Variants in MICAL2 observed in about 807,000 individuals in gnomAD.
MICAL2 encodes [F-actin]-monooxygenase MICAL2.
Under a neutral mutation model 127.3 loss-of-function variants are expected in MICAL2, and 77 were observed. That is an observed-to-expected ratio of 0.60 (90% CI 0.50 to 0.73). The LOEUF (loss-of-function observed/expected upper bound fraction) is 0.73, where lower values mean the gene tolerates loss of function less well. Among genes scored for constraint, MICAL2 ranks in the 30% least tolerant of loss-of-function variants. The pLI is 0.00. For synonymous variants in MICAL2, 570 were observed against 551.1 expected, an observed-to-expected ratio of 1.03 and a Z score of -0.48; for missense variants, 1,351 against 1,434.4, an observed-to-expected ratio of 0.94 and a Z score of 0.94.
downstream of MICAL2, among the ~76,000 whole-genome samples, chr11:12,360,092 T>G (rs1267033503): frequency 6.9e-6 from 1 of 144,302 alleles, no homozygotes; most frequent in Non-Finnish European, 1.5e-5. Context: ...TCTTTTTCCT[T>G]TTCTTTCCTT....
chr11:12,280,416 G>C (rs1299118894), intron 1 of MICAL2, among the ~76,000 whole-genome samples: 12 of 152,210 alleles, frequency 7.9e-5, no homozygotes. Flanking sequence ...AAGCACCACA[G>C]ACTGGGTGGC....
rs201228888 is a variant in MICAL2, at chr11:12,282,857, C to T, written c.254+1758C>T. On this transcript the variant is annotated intron_variant, in intron 2 of 2. Transcript: ENST00000529028. Reference sequence around the variant, plus strand: ...TTAGTATTCTCGAGGCTGTTTCTTACAGCAACCCTTGCTGGAAGGTGAGGG... The same window carrying T: ...TTAGTATTCTCGAGGCTGTTTCTTATAGCAACCCTTGCTGGAAGGTGAGGG... 2.3e-3 allele frequency among the ~76,000 whole-genome samples: 345 copies of T among 152,294 alleles called. 1 individual carries two copies. Among genetic ancestry groups the T allele is most frequent in the African/African-American group, 7.9e-3 (327 of 41,566 alleles).
At chr11:12,291,572 T>C (rs1266428548), downstream of MICAL2, among the ~76,000 whole-genome samples, 1 of 152,078 alleles carries the variant, frequency 6.6e-6, no homozygotes, top group Admixed American at 6.5e-5. Context: ...CCACTCCATA[T>C]CCTTCCAATG....
rs535757780 is a variant in MICAL2 at position 12,150,699 on chromosome 11, A to G, written c.-77-11380A>G. Among the ~76,000 whole-genome samples, 77 of 152,292 alleles carry G rather than the reference A, an allele frequency of 5.1e-4. 1 individual carries two copies. Among genetic ancestry groups the G allele is most frequent in the African/African-American group, 1.7e-3 (72 of 41,552 alleles). On this transcript the variant is annotated intron_variant, in intron 2 of 27. Transcript: ENST00000683283. Reference sequence around the variant, plus strand: ...ACTGGCATCAAGTCCCAAAGGCCTAATTTCAGCAAGACGCAGTGCCATTTA... The same window carrying G: ...ACTGGCATCAAGTCCCAAAGGCCTAGTTTCAGCAAGACGCAGTGCCATTTA...
intron 32 of MICAL2, among the ~76,000 whole-genome samples, chr11:12,331,442 C>T (rs11022305): frequency 0.4 from 60,609 of 151,942 alleles, 15,319 homozygotes; most frequent in Non-Finnish European, 0.57. Flanking sequence ...GAGGGGTTTA[C>T]CAAGAAAAAT....
chr11:12,204,433 T>C lies in MICAL2; in HGVS notation c.448T>C (p.Cys150Arg). The change falls in exon 4 of 28, where the codon TGT (cysteine) becomes CGT (arginine). Residue 150 changes from cysteine to arginine, a missense_variant. Cys to Arg is a radical substitution (Grantham distance 180, BLOSUM62 -3). Coordinates refer to ENST00000683283, the MANE Select transcript of MICAL2 (RefSeq NM_001282663.2). ...LGAKKFYGKF[C>R]AGSIDHISIR... is the part of the protein sequence containing the mutation. ...AGCCAAGAAGTTCTATGGGAAGTTC[T>C]GTGCTGGCTCCATCGACCATATCAG... 1 of 1,614,204 alleles carries C rather than the reference T, an allele frequency of 6.2e-7. No individual in the cohort carries two copies. Among genetic ancestry groups the C allele is most frequent in the Non-Finnish European group, 8.5e-7 (1 of 1,180,020 alleles).
In MICAL2 at chr11:12,255,863, G is replaced by A. The variant is rs1862261013; in HGVS notation, c.2955+113G>A. ...GCCCTCCCGAGGCTCCTCTTCTCTT[G>A]GAACAAGAGGGGGCTGAGAATGAGC... On this transcript the variant is annotated intron_variant, in intron 23 of 27. Coordinates refer to ENST00000683283, the MANE Select transcript of MICAL2 (RefSeq NM_001282663.2). The A allele has an allele frequency of 9.4e-6, 7 of 744,748 alleles. No individual in the cohort carries two copies. In the Admixed American group the frequency reaches 1.7e-4, roughly 18 times the overall value. 46.1% of individuals were successfully genotyped at this position (744,748 alleles called of 1,614,324 possible).
At chr11:12,339,607 A>G (rs1938825165) in intron 32 of MICAL2, among the ~76,000 whole-genome samples, 1 of 151,976 alleles carries the variant, frequency 6.6e-6, no homozygotes, top group African/African-American at 2.4e-5. Context: ...GATGATGGTG[A>G]TGTACAGATG....
intron 1 of MICAL2, among the ~76,000 whole-genome samples, chr11:12,112,854 C>G (rs552753688): frequency 5.9e-5 from 9 of 152,280 alleles, no homozygotes; most frequent in South Asian, 4.1e-4. Context: ...GAGGCCCATT[C>G]CCAGGCTGCA....
rs1485621302 is a variant in MICAL2, at chr11:12,287,083, A to T, written c.255-4A>T. ...ATCTTCCCTGTCCCTTTCTTTTTCC[A>T]CAGCAGCTCTGCAACGGGCCAATAG... On this transcript the variant is annotated splice_region_variant and splice_polypyrimidine_tract_variant and intron_variant, in intron 2 of 2. Coordinates refer to the MICAL2 transcript ENST00000529028. The T allele has an allele frequency of 7.5e-6, 3 of 398,684 alleles. No individual in the cohort carries two copies. The East Asian group carries it at 1.1e-4, about 14-fold the overall frequency. The allele number at this position is 398,684 out of a possible 1,614,324, so 24.7% of individuals were successfully genotyped here. A position where few individuals can be genotyped will look rare whatever the true frequency, so the allele number is the denominator to read the frequency against.
intron 3 of MICAL2, among the ~76,000 whole-genome samples, chr11:12,192,224 G>A (rs1859273567): frequency 6.6e-6 from 1 of 152,198 alleles, no homozygotes; most frequent in African/African-American, 2.4e-5. Context: ...CTTGGACAGT[G>A]CACACACGTG....
downstream of MICAL2, among the ~76,000 whole-genome samples, chr11:12,293,196 C>T (rs1460844212): frequency 6.6e-6 from 1 of 152,128 alleles, no homozygotes; most frequent in East Asian, 1.9e-4. Flanking sequence ...GCTTATCTTC[C>T]CCTATGTGCC....
intron 29 of MICAL2, among the ~76,000 whole-genome samples, chr11:12,307,786 T>A (rs1864129995): frequency 6.6e-6 from 1 of 152,112 alleles, no homozygotes; most frequent in Non-Finnish European, 1.5e-5. Context: ...TGTAGGTCTA[T>A]CTCTGTACTC....
At chr11:12,166,293 G>C (rs1052753215) in intron 3 of MICAL2, among the ~76,000 whole-genome samples, 12 of 152,166 alleles carry the variant, frequency 7.9e-5, no homozygotes, top group African/African-American at 2.7e-4. Flanking sequence ...TCTATTTACT[G>C]GTTTGCTCTT....
chr11:12,261,167 C>T, intron 26 of MICAL2: 1 of 985,522 alleles, frequency 1.0e-6, no homozygotes, highest in Non-Finnish European at 1.2e-6. Context: ...CAGGCTATTG[C>T]TGGGAAGCGT....
intron 3 of MICAL2, among the ~76,000 whole-genome samples, chr11:12,171,191 G>A (rs1052496544): frequency 6.6e-6 from 1 of 152,196 alleles, no homozygotes; most frequent in Non-Finnish European, 1.5e-5. Context: ...TAGCCAATAG[G>A]CTTGTGAAGC....
chr11:12,313,983 T>TTTTTTTTTTTTTG lies in MICAL2; in HGVS notation c.5213-5713_5213-5712insTTTTTTTTTTTTG, dbSNP rs1555020731. ...CTGATTTTTTTTTTTTTTTTTTTTT[T>TTTTTTTTTTTTTG]GATAGCTATACAAACTTTCTTTTGG... is the stretch of plus-strand genomic sequence containing the variant. On this transcript the variant is annotated intron_variant, in intron 29 of 34. Coordinates refer to the MICAL2 transcript ENST00000646065. Among the ~76,000 whole-genome samples, 2 of 127,560 alleles carry TTTTTTTTTTTTTG rather than the reference T, an allele frequency of 1.6e-5. 1 individual carries two copies. Among genetic ancestry groups the TTTTTTTTTTTTTG allele is most frequent in the East Asian group, 5.3e-4 (2 of 3,750 alleles). The allele number at this position is 127,560 out of a possible 152,430, so 83.7% of individuals were successfully genotyped here.
intron 6 of MICAL2, among the ~76,000 whole-genome samples, chr11:12,213,011 G>A (rs569009463): frequency 5.9e-5 from 9 of 152,290 alleles, no homozygotes; most frequent in South Asian, 2.1e-4. Flanking sequence ...GGGAAGGATC[G>A]CTTTTCCTTT....
chr11:12,147,796 G>T (rs1853102998), intron 2 of MICAL2, among the ~76,000 whole-genome samples: 1 of 152,208 alleles, frequency 6.6e-6, no homozygotes, highest in South Asian at 2.1e-4. Context: ...GTGGCTAGTG[G>T]GTCCCAAAGT....
Sources: allele counts gnomAD v4.1 joint callset (sites outside exome capture counted in the v4.1 genomes callset), GRCh38; gene constraint gnomAD v4.1.1; transcripts MANE v1.5; gene names NCBI Gene and HGNC (gene_info 2026-07-23, HGNC 2026-07-21).